The following ROBO2 variants were observed in gnomAD, a reference collection of about 807,000 sequenced individuals.
ROBO2 encodes roundabout guidance receptor 2.
Under a neutral mutation model 160.8 loss-of-function variants are expected in ROBO2, and 53 were observed. The ratio of observed to expected loss-of-function variants is 0.33; its 90% CI spans 0.26 to 0.41. The LOEUF (loss-of-function observed/expected upper bound fraction) is 0.41. Ranked by LOEUF, ROBO2 falls within the 10% of genes least tolerant of loss-of-function variation. The probability of loss-of-function intolerance (pLI) is 1.00; values close to 1 mark genes in which losing one functional copy is unlikely to be tolerated. For missense variants in ROBO2, 1,577 were observed against 1,722.4 expected (o/e 0.92, Z 1.49); for synonymous variants, 664 against 611.7 (o/e 1.09, Z -1.26).
intron 2 of ROBO2, among the ~76,000 whole-genome samples, chr3:76,812,359 A>C (rs1191819864): frequency 2.0e-5 from 3 of 151,386 alleles, no homozygotes; most frequent in African/African-American, 4.8e-5. Context: ...AAAAAAAAAA[A>C]AAAACGTGTT....
At chr3:76,337,899 TAGG>T (rs1425344478) in intron 2 of ROBO2, among the ~76,000 whole-genome samples, 1 of 152,116 alleles carries the variant, frequency 6.6e-6, no homozygotes, top group Non-Finnish European at 1.5e-5. Context: ...GGCTCCACCA[TAGG>T]AGATTTATTT....
chr3:77,285,663 A>G (rs2060537391), intron 2 of ROBO2, among the ~76,000 whole-genome samples: 1 of 152,098 alleles, frequency 6.6e-6, no homozygotes, highest in South Asian at 2.1e-4. Flanking sequence ...GATCACGTTC[A>G]CTCTCTATCT....
At chr3:76,395,522 T>C in intron 2 of ROBO2, among the ~76,000 whole-genome samples, 2 of 145,712 alleles carry the variant, frequency 1.4e-5, no homozygotes, top group Non-Finnish European at 3.0e-5. Flanking sequence ...AAAAAATTAA[T>C]GAATCCAGGA....
chr3:76,556,318 T>C, intron 2 of ROBO2, among the ~76,000 whole-genome samples: 1 of 152,244 alleles, frequency 6.6e-6, no homozygotes, highest in African/African-American at 2.4e-5. Flanking sequence ...ATATGTTTCC[T>C]AGTAGCTCTG....
At chr3:76,895,281 T>A (rs1392173195) in intron 2 of ROBO2, among the ~76,000 whole-genome samples, 1 of 152,082 alleles carries the variant, frequency 6.6e-6, no homozygotes, top group Non-Finnish European at 1.5e-5. Context: ...TGCTGACTGG[T>A]GGTACGCAAA....
intron 2 of ROBO2, among the ~76,000 whole-genome samples, chr3:76,691,351 T>A (rs2092797486): frequency 6.6e-6 from 1 of 152,150 alleles, no homozygotes; most frequent in African/African-American, 2.4e-5. Flanking sequence ...TAACTTCCAC[T>A]GTTTATAATT....
intron 5 of ROBO2, among the ~76,000 whole-genome samples, chr3:77,496,514 A>G (rs1228103818): frequency 6.6e-6 from 1 of 152,150 alleles, no homozygotes; most frequent in Non-Finnish European, 1.5e-5. Context: ...TGATTCTATT[A>G]CATTATTTAG....
chr3:76,197,260 A>G (rs984519182), intron 2 of ROBO2, among the ~76,000 whole-genome samples: 4 of 143,758 alleles, frequency 2.8e-5, no homozygotes, highest in East Asian at 2.0e-4. Flanking sequence ...GAGCTAATCA[A>G]TCTCTCTATA....
At chr3:76,375,153 C>A (rs1576760428) in intron 2 of ROBO2, among the ~76,000 whole-genome samples, 1 of 151,880 alleles carries the variant, frequency 6.6e-6, no homozygotes, top group Non-Finnish European at 1.5e-5. Flanking sequence ...TTCAGTAAAA[C>A]TGTGAGACTG....
intron 2 of ROBO2, among the ~76,000 whole-genome samples, chr3:77,261,540 G>C (rs554622215): frequency 4.6e-5 from 7 of 152,160 alleles, no homozygotes; most frequent in Admixed American, 3.3e-4. Context: ...GAGAATCTGC[G>C]CTTTTATATA....
chr3:76,321,782 C>T (rs1435878453), intron 2 of ROBO2, among the ~76,000 whole-genome samples: 2 of 151,990 alleles, frequency 1.3e-5, no homozygotes, highest in African/African-American at 4.8e-5. Context: ...AATAAAAGGC[C>T]GTTGTAAGAC....
At chr3:77,026,812 T>C (rs1253336966) in intron 2 of ROBO2, among the ~76,000 whole-genome samples, 2 of 152,222 alleles carry the variant, frequency 1.3e-5, no homozygotes, top group African/African-American at 2.4e-5. Flanking sequence ...GTTAAGTGAA[T>C]TGAATGAATT....
At chr3:75,963,841 G>A (rs565508140) in intron 2 of ROBO2, among the ~76,000 whole-genome samples, 2 of 151,792 alleles carry the variant, frequency 1.3e-5, no homozygotes, top group South Asian at 4.1e-4. Context: ...TTGTACTTCT[G>A]TGCATACACG....
intron 2 of ROBO2, among the ~76,000 whole-genome samples, chr3:76,884,706 A>G (rs2073706515): frequency 1.3e-5 from 2 of 152,180 alleles, no homozygotes; most frequent in African/African-American, 4.8e-5. Context: ...AGTTTTCCCA[A>G]TACTTTCCTA....
chr3:77,080,443 G>C (rs370509194), intron 1 of ROBO2, among the ~76,000 whole-genome samples: 3 of 152,124 alleles, frequency 2.0e-5, no homozygotes, highest in African/African-American at 4.8e-5. Flanking sequence ...TGTGTTGTTC[G>C]TACCAAGGGC....
At chr3:77,384,610 G>T (rs943679524) in intron 2 of ROBO2, among the ~76,000 whole-genome samples, 1 of 152,186 alleles carries the variant, frequency 6.6e-6, no homozygotes, top group African/African-American at 2.4e-5. Flanking sequence ...AGTCTATATG[G>T]CCCTCTACCC....
At chr3:76,059,105 A>T (rs2067972418) in intron 2 of ROBO2, among the ~76,000 whole-genome samples, 1 of 151,652 alleles carries the variant, frequency 6.6e-6, no homozygotes, top group Non-Finnish European at 1.5e-5. Flanking sequence ...TGCCGCAATA[A>T]ACATACGTGT....
intron 2 of ROBO2, among the ~76,000 whole-genome samples, chr3:77,214,879 C>A (rs533264430): frequency 3.3e-5 from 5 of 152,276 alleles, no homozygotes; most frequent in Admixed American, 1.3e-4. Context: ...GTTGAAAATT[C>A]TTTTCTTTAA....
chr3:76,843,212 ATATAT>A (rs1202640139), intron 2 of ROBO2, among the ~76,000 whole-genome samples: 4 of 149,698 alleles, frequency 2.7e-5, no homozygotes, highest in Non-Finnish European at 4.4e-5. Context: ...ATTAATATAA[ATATAT>A]TATAACAAAT....
Sources: allele counts gnomAD v4.1 joint callset (sites outside exome capture counted in the v4.1 genomes callset), GRCh38; gene constraint gnomAD v4.1.1; transcripts MANE v1.5; gene names NCBI Gene and HGNC (gene_info 2026-07-23, HGNC 2026-07-21).